EYS: variants seen among roughly 807,000 people sequenced by gnomAD.
EYS encodes the protein EGF-like photoreceptor maintenance factor, also known as protein eyes shut homolog.
Under a neutral mutation model 282.1 loss-of-function variants are expected in EYS, and 250 were observed. The ratio of observed to expected loss-of-function variants is 0.89; its 90% CI spans 0.80 to 0.98. EYS has a LOEUF of 0.98. Ranked by LOEUF, EYS falls within the 50% of genes least tolerant of loss-of-function variation. The pLI is 0.00. For synonymous variants in EYS, 1,355 were observed against 1,282.9 expected (o/e 1.06, Z -1.20); for missense variants, 4,016 against 3,709.0 (o/e 1.08, Z -2.15).
At chr6:64,638,029 A>G (rs1254843415) in intron 22 of EYS, among the ~76,000 whole-genome samples, 1 of 91,480 alleles carries the variant, frequency 1.1e-5, no homozygotes, top group Non-Finnish European at 2.4e-5. Flanking sequence ...CAAACCCAAC[A>G]CAATTCAAAT....
At chr6:64,236,125 A>T (rs945923133) in intron 30 of EYS, among the ~76,000 whole-genome samples, 1 of 152,110 alleles carries the variant, frequency 6.6e-6, no homozygotes, top group Non-Finnish European at 1.5e-5. Context: ...CTTATCCACC[A>T]TGATCAAGTG....
intron 29 of EYS, among the ~76,000 whole-genome samples, chr6:64,314,241 C>CTGATAAAA: frequency 8.5e-6 from 1 of 117,732 alleles, no homozygotes; most frequent in East Asian, 2.6e-4. Flanking sequence ...ATCCTAGTTT[C>CTGATAAAA]TGATAAAACA....
intron 5 of EYS, among the ~76,000 whole-genome samples, chr6:65,441,918 C>T (rs1057374813): frequency 7.5e-4 from 114 of 151,916 alleles, no homozygotes; most frequent in African/African-American, 2.1e-3. Flanking sequence ...TATCTGAAGC[C>T]GTTAAATTTG....
intron 2 of EYS, among the ~76,000 whole-genome samples, chr6:65,544,289 C>T (rs1230627000): frequency 4.6e-5 from 7 of 152,102 alleles, no homozygotes; most frequent in African/African-American, 1.7e-4. Context: ...GTCTATTTTG[C>T]AGAATGTCAT....
intron 33 of EYS, among the ~76,000 whole-genome samples, chr6:64,023,950 C>T (rs1003344456): frequency 5.9e-5 from 9 of 152,198 alleles, no homozygotes; most frequent in African/African-American, 1.9e-4. Flanking sequence ...CAATTTCTCA[C>T]CGGGCCTTGG....
chr6:64,705,081 A>C (rs1770957820), intron 22 of EYS, among the ~76,000 whole-genome samples: 1 of 152,132 alleles, frequency 6.6e-6, no homozygotes, highest in African/African-American at 2.4e-5. Context: ...AGAATACCGT[A>C]AGGATGCCTC....
intron 4 of EYS, 21 bp from the exon 5 acceptor site, chr6:65,490,728 T>C (rs763663871): frequency 1.3e-5 from 18 of 1,351,416 alleles, no homozygotes; most frequent in Non-Finnish European, 1.9e-5. Context: ...GAAAAAAAGT[T>C]TTTTTTACAT....
intron 36 of EYS, chr6:63,806,864 C>T (rs115949872): frequency 0.012 from 1,816 of 152,272 alleles, 30 homozygotes; most frequent in African/African-American, 0.042. Flanking sequence ...GGAAGGAAAT[C>T]GGTCAGTTTT....
chr6:65,192,653 T>A (rs1765670698), intron 12 of EYS, among the ~76,000 whole-genome samples: 1 of 151,802 alleles, frequency 6.6e-6, no homozygotes, highest in Non-Finnish European at 1.5e-5. Flanking sequence ...CTAAAACTAA[T>A]GTTGAAATTA....
chr6:65,432,966 T>C (rs1483244849), intron 5 of EYS, among the ~76,000 whole-genome samples: 3 of 152,076 alleles, frequency 2.0e-5, no homozygotes, highest in Non-Finnish European at 4.4e-5. Flanking sequence ...ACTGGGAAGA[T>C]AGACTGGTAA....
At chr6:65,290,792 T>C (rs952729492) in intron 12 of EYS, among the ~76,000 whole-genome samples, 1 of 151,352 alleles carries the variant, frequency 6.6e-6, no homozygotes, top group Non-Finnish European at 1.5e-5. Context: ...TAAACAGCTG[T>C]TGTGCTAAAT....
chr6:64,133,132 A>G (rs1175389312), intron 31 of EYS, among the ~76,000 whole-genome samples: 1 of 151,742 alleles, frequency 6.6e-6, no homozygotes, highest in Admixed American at 6.6e-5. Flanking sequence ...AATAATTAGT[A>G]TTTTTTGTAA....
At chr6:64,412,538 G>T (rs1442619418) in intron 28 of EYS, 1 of 152,128 alleles carries the variant, frequency 6.6e-6, no homozygotes, top group Non-Finnish European at 1.5e-5. Flanking sequence ...TTGAGATGCT[G>T]AGGATGTTAA....
chr6:63,928,221 A>G (rs1178130701), intron 35 of EYS, among the ~76,000 whole-genome samples: 3 of 152,158 alleles, frequency 2.0e-5, no homozygotes, highest in Non-Finnish European at 4.4e-5. Context: ...GTTTATGCTG[A>G]CTTATTTTTC....
At chr6:64,643,390 G>A (rs1213321054) in intron 22 of EYS, among the ~76,000 whole-genome samples, 1 of 152,140 alleles carries the variant, frequency 6.6e-6, no homozygotes, top group African/African-American at 2.4e-5. Context: ...CCAAAAACAT[G>A]AATAAACAAA....
intron 35 of EYS, among the ~76,000 whole-genome samples, chr6:63,956,978 C>T (rs1352692318): frequency 6.6e-6 from 1 of 152,144 alleles, no homozygotes; most frequent in African/African-American, 2.4e-5. Context: ...TCACACATTA[C>T]AGATGTTACT....
chr6:65,071,935 T>G (rs981805667), intron 12 of EYS, among the ~76,000 whole-genome samples: 1 of 151,804 alleles, frequency 6.6e-6, no homozygotes, highest in Non-Finnish European at 1.5e-5. Flanking sequence ...CATCCCTTTT[T>G]GCTCTTTCAT....
chr6:65,005,843 G>A (rs1405923614), intron 13 of EYS, among the ~76,000 whole-genome samples: 1 of 152,232 alleles, frequency 6.6e-6, no homozygotes, highest in Non-Finnish European at 1.5e-5. Flanking sequence ...CTACCCAGCA[G>A]TCGCCCATGC....
chr6:63,885,166 A>G (rs1773231932), intron 35 of EYS, among the ~76,000 whole-genome samples: 1 of 152,142 alleles, frequency 6.6e-6, no homozygotes, highest in African/African-American at 2.4e-5. Context: ...GTGCACTGGT[A>G]ATGCTCATAT....
Sources: allele counts gnomAD v4.1 joint callset (sites outside exome capture counted in the v4.1 genomes callset), GRCh38; gene constraint gnomAD v4.1.1; transcripts MANE v1.5; gene names NCBI Gene and HGNC (gene_info 2026-07-23, HGNC 2026-07-21).